The following TRAPPC9 variants were observed in gnomAD, a reference collection of about 807,000 sequenced individuals.
The protein encoded by TRAPPC9 is IKK2 binding protein.
A neutral mutation model predicts 124.0 loss-of-function variants in TRAPPC9; 83 were observed. The ratio of observed to expected loss-of-function variants is 0.67; its 90% CI spans 0.56 to 0.80. TRAPPC9 has a LOEUF of 0.80. Ranked by LOEUF, TRAPPC9 falls within the 30% of genes least tolerant of loss-of-function variation. The pLI is 0.00. For synonymous variants in TRAPPC9, 638 were observed against 617.5 expected (o/e 1.03, Z -0.49); for missense variants, 1,302 against 1,508.3 (o/e 0.86, Z 2.27).
rs1381946811 is a variant in TRAPPC9, at chr8:140,024,221, ACCCCGGCGGGTACCGACTCACAC to A, written c.2557-165_2557-143del. The A allele has an allele frequency of 8.4e-6, 9 of 1,077,240 alleles. 1 individual carries two copies. The highest frequency in any genetic ancestry group is 5.5e-5 in the South Asian group (4 of 73,074). 66.7% of individuals were successfully genotyped at this position (1,077,240 alleles called of 1,614,324 possible). A position where few individuals can be genotyped will look rare whatever the true frequency, so the allele number is the denominator to read the frequency against. On this transcript the variant is annotated intron_variant, in intron 17 of 22. Coordinates refer to ENST00000438773, the MANE Select transcript of TRAPPC9 (RefSeq NM_001160372.4). ...AGTCATCAGCATTGGCCGACTCACAACCCCGGCGGGTACCGACTCACACCCCCGGCGGGGACCGACTCACACCC... is the reference window on the plus strand; with the variant it reads ...AGTCATCAGCATTGGCCGACTCACAACCCCGGCGGGGACCGACTCACACCC...
chr8:140,440,799 A>G (rs182330791), intron 2 of TRAPPC9, among the ~76,000 whole-genome samples: 133 of 151,910 alleles, frequency 8.8e-4, no homozygotes, highest in Non-Finnish European at 1.6e-3. Context: ...TTTGCACTCC[A>G]CAGGCAACCT....
At chr8:139,854,378 G>C (rs776695861) in intron 21 of TRAPPC9, among the ~76,000 whole-genome samples, 1 of 152,232 alleles carries the variant, frequency 6.6e-6, no homozygotes, top group Admixed American at 6.5e-5. Context: ...AGGAGCCCAC[G>C]CTGGGGCAGG....
intron 21 of TRAPPC9, among the ~76,000 whole-genome samples, chr8:139,791,690 C>T (rs1161586002): frequency 2.6e-5 from 4 of 152,190 alleles, no homozygotes; most frequent in Non-Finnish European, 4.4e-5. Context: ...TATGGATTGG[C>T]GCTACAGTCA....
intron 17 of TRAPPC9, among the ~76,000 whole-genome samples, chr8:140,113,039 C>A (rs1162312425): frequency 1.3e-5 from 2 of 152,120 alleles, no homozygotes; most frequent in East Asian, 1.9e-4. Context: ...AAAAAAAATT[C>A]TTCCACATAA....
At chr8:140,177,789 T>C (rs2062103432) in intron 17 of TRAPPC9, among the ~76,000 whole-genome samples, 1 of 152,136 alleles carries the variant, frequency 6.6e-6, no homozygotes, top group African/African-American at 2.4e-5. Context: ...TCTTTTATAA[T>C]TGTCTTGGGA....
At chr8:139,752,242 C>T (rs889228599) in intron 21 of TRAPPC9, among the ~76,000 whole-genome samples, 1 of 151,674 alleles carries the variant, frequency 6.6e-6, no homozygotes, top group Non-Finnish European at 1.5e-5. Flanking sequence ...ACCCATCCAT[C>T]CATCCACCCA....
intron 21 of TRAPPC9, among the ~76,000 whole-genome samples, chr8:139,738,009 G>A (rs1818315585): frequency 6.6e-6 from 1 of 152,214 alleles, no homozygotes; most frequent in Non-Finnish European, 1.5e-5. Flanking sequence ...TGAGAGGAAG[G>A]ACGCAGCAGG....
chr8:140,109,876 G>A (rs867320680), intron 17 of TRAPPC9, among the ~76,000 whole-genome samples: 2 of 152,208 alleles, frequency 1.3e-5, no homozygotes, highest in Non-Finnish European at 2.9e-5. Flanking sequence ...ACTGAGGAAG[G>A]TCAACAGAGG....
chr8:140,302,351 G>A (rs993205948), intron 10 of TRAPPC9, among the ~76,000 whole-genome samples: 1 of 152,206 alleles, frequency 6.6e-6, no homozygotes, highest in Non-Finnish European at 1.5e-5. Context: ...TTATCATAGC[G>A]GATCAGAACC....
intron 2 of TRAPPC9, among the ~76,000 whole-genome samples, chr8:140,441,782 C>T (rs139092212): frequency 0.028 from 4,223 of 152,276 alleles, 198 homozygotes; most frequent in African/African-American, 0.09. Context: ...CCAGGCTGGT[C>T]TGGAACTCCT....
intron 17 of TRAPPC9, among the ~76,000 whole-genome samples, chr8:140,215,038 C>T (rs1376430124): frequency 6.6e-6 from 1 of 152,178 alleles, no homozygotes; most frequent in East Asian, 1.9e-4. Context: ...ATAGATGTCC[C>T]CACAGACAGC....
intron 20 of TRAPPC9, among the ~76,000 whole-genome samples, chr8:139,899,097 G>A (rs1446450162): frequency 1.3e-4 from 4 of 30,188 alleles, no homozygotes; most frequent in East Asian, 2.2e-3. Flanking sequence ...TCCAGCCTGG[G>A]AAACAAGAAC....
chr8:140,324,034 T>C (rs1237565778), intron 9 of TRAPPC9, among the ~76,000 whole-genome samples: 2 of 152,158 alleles, frequency 1.3e-5, no homozygotes, highest in Non-Finnish European at 2.9e-5. Context: ...TAGTATTTTA[T>C]CCCTCACCCC....
intron 17 of TRAPPC9, among the ~76,000 whole-genome samples, chr8:140,070,529 T>C (rs1843105462): frequency 1.3e-5 from 2 of 152,216 alleles, no homozygotes; most frequent in Admixed American, 1.3e-4. Context: ...ACTTAATTAG[T>C]AATTCCATGA....
rs901573880 is a variant in TRAPPC9, at chr8:140,036,666, G to A, written c.2557-12587C>T. 8.5e-5 allele frequency among the ~76,000 whole-genome samples: 13 copies of A among 152,144 alleles called. 1 individual carries two copies. The South Asian group carries it at 1.9e-3, about 22-fold the overall frequency. ...CACGAGTCCTGAGTGGGGAGAAGTC[G>A]GGCTGAAGAGACGTGGCTCACAGGG... On this transcript the variant is annotated intron_variant, in intron 17 of 22. Transcript: ENST00000438773.
At chr8:139,783,030 C>T (rs533448040) in intron 21 of TRAPPC9, among the ~76,000 whole-genome samples, 5 of 152,122 alleles carry the variant, frequency 3.3e-5, no homozygotes, top group South Asian at 2.1e-4. Flanking sequence ...TCAAAATCTG[C>T]GAGCCATCAC....
chr8:139,881,143 C>T (rs1391721412), intron 21 of TRAPPC9: 8 of 152,206 alleles, frequency 5.3e-5, no homozygotes, highest in Non-Finnish European at 1.0e-4. Context: ...GAAGGAGCCT[C>T]CTGCCCTCCC....
intron 21 of TRAPPC9, among the ~76,000 whole-genome samples, chr8:139,883,750 T>C (rs1394712733): frequency 6.6e-5 from 10 of 152,232 alleles, no homozygotes; most frequent in Admixed American, 5.9e-4. Flanking sequence ...CCACCAGTTT[T>C]CAGGCAGGAC....
At chr8:140,078,297 T>C (rs1235883531) in intron 17 of TRAPPC9, among the ~76,000 whole-genome samples, 1 of 152,184 alleles carries the variant, frequency 6.6e-6, no homozygotes, top group Non-Finnish European at 1.5e-5. Context: ...AGCAGTGCCA[T>C]GGGAAGACAC....
Sources: gnomAD v4.1 joint callset for allele counts (sites outside exome capture counted in the v4.1 genomes callset) on GRCh38, gnomAD v4.1.1 for gene constraint, MANE v1.5 for transcripts, NCBI Gene and HGNC (gene_info 2026-07-23, HGNC 2026-07-21) for gene names.